The following ROBO1 variants were observed in gnomAD, a reference collection of about 807,000 sequenced individuals.
The protein encoded by ROBO1 is roundabout homolog 1.
A neutral mutation model predicts 195.9 loss-of-function variants in ROBO1; 149 were observed. That is an observed-to-expected ratio of 0.76 (90% CI 0.67 to 0.87). The LOEUF (loss-of-function observed/expected upper bound fraction) is 0.87, where lower values mean the gene tolerates loss of function less well. Ranked by LOEUF, ROBO1 falls within the 40% of genes least tolerant of loss-of-function variation. ROBO1 has a pLI of 0.00. For synonymous variants in ROBO1, 816 were observed against 733.2 expected (o/e 1.11, Z -1.82); for missense variants, 1,933 against 2,068.3 (o/e 0.93, Z 1.27).
intron 3 of ROBO1, among the ~76,000 whole-genome samples, chr3:79,020,964 C>T (rs1263764447): frequency 1.3e-5 from 2 of 151,948 alleles, no homozygotes; most frequent in Admixed American, 1.3e-4. Flanking sequence ...ACATTCATTA[C>T]CTAATGGAAG....
rs117678466 is a variant in ROBO1 at position 78,870,566 on chromosome 3, G to C, written c.499+68035C>G. On this transcript the variant is annotated intron_variant, in intron 4 of 30. Transcript: ENST00000464233. Reference sequence around the variant, plus strand: ...AATGTCCTCAAAAGGACAGAAATTGGTAGGAATAAAAGGCTTTCCCTTGCA... The same window carrying C: ...AATGTCCTCAAAAGGACAGAAATTGCTAGGAATAAAAGGCTTTCCCTTGCA... 1.6e-3 allele frequency among the ~76,000 whole-genome samples: 242 copies of C among 152,250 alleles called. 4 individuals carry two copies. The East Asian group carries it at 0.033, about 21-fold the overall frequency.
intron 1 of ROBO1, among the ~76,000 whole-genome samples, chr3:79,640,532 G>A (rs753192807): frequency 2.0e-5 from 3 of 151,958 alleles, no homozygotes; most frequent in Non-Finnish European, 4.4e-5. Context: ...ACTTATAACC[G>A]ACTTCAGTCC....
At chr3:79,659,348 T>A (rs1036685432) in intron 1 of ROBO1, among the ~76,000 whole-genome samples, 11 of 151,992 alleles carry the variant, frequency 7.2e-5, no homozygotes, top group African/African-American at 2.4e-4. Flanking sequence ...AAAATTTTAA[T>A]AATAAAATGT....
chr3:79,652,769 CA>C (rs1014235779), intron 1 of ROBO1, among the ~76,000 whole-genome samples: 1 of 151,804 alleles, frequency 6.6e-6, no homozygotes, highest in Admixed American at 6.6e-5. Context: ...AAAATAAATA[CA>C]AAAAAATTGT....
intron 5 of ROBO1, among the ~76,000 whole-genome samples, chr3:78,736,190 A>G (rs990540107): frequency 6.6e-6 from 1 of 152,164 alleles, no homozygotes; most frequent in African/African-American, 2.4e-5. Context: ...ACAAAATCAT[A>G]TATATTCAAA....
At chr3:78,873,225 T>G (rs542458187) in intron 4 of ROBO1, among the ~76,000 whole-genome samples, 3 of 152,186 alleles carry the variant, frequency 2.0e-5, no homozygotes, top group Non-Finnish European at 4.4e-5. Flanking sequence ...CCTACTTTTC[T>G]TTCCTCCTTT....
chr3:79,128,191 A>G (rs561178679), intron 2 of ROBO1, among the ~76,000 whole-genome samples: 1 of 152,278 alleles, frequency 6.6e-6, no homozygotes, highest in East Asian at 1.9e-4. Flanking sequence ...TACCATATCT[A>G]AAGGAGGTCC....
chr3:78,673,605 TACAC>T (rs1553699011), intron 10 of ROBO1, among the ~76,000 whole-genome samples: 69 of 53,166 alleles, frequency 1.3e-3, no homozygotes, highest in South Asian at 2.2e-3. Context: ...TATATATATA[TACAC>T]ACATATATTA....
At chr3:79,485,465 G>C (rs1939110241) in intron 2 of ROBO1, among the ~76,000 whole-genome samples, 2 of 152,018 alleles carry the variant, frequency 1.3e-5, no homozygotes, top group Admixed American at 6.6e-5. Context: ...TACACTAAAT[G>C]TTAACAAAGT....
chr3:79,419,876 T>C (rs2038155186), intron 2 of ROBO1, among the ~76,000 whole-genome samples: 1 of 152,106 alleles, frequency 6.6e-6, no homozygotes, highest in African/African-American at 2.4e-5. Context: ...CTTAACATCA[T>C]TTCATAAGGT....
At chr3:79,016,022 T>C (rs2077923639) in intron 3 of ROBO1, among the ~76,000 whole-genome samples, 1 of 152,228 alleles carries the variant, frequency 6.6e-6, no homozygotes, top group South Asian at 2.1e-4. Context: ...ACCACATTTC[T>C]CTTAAATACA....
At chr3:79,613,355 T>C (rs1468373815) in intron 1 of ROBO1, among the ~76,000 whole-genome samples, 2 of 152,040 alleles carry the variant, frequency 1.3e-5, no homozygotes, top group African/African-American at 2.4e-5. Flanking sequence ...AAATTAAAGA[T>C]ATATCTTTTA....
At chr3:79,207,741 TTACATGGAGAGTCATA>T (rs1286971490) in intron 2 of ROBO1, among the ~76,000 whole-genome samples, 2 of 151,822 alleles carry the variant, frequency 1.3e-5, no homozygotes, top group East Asian at 3.9e-4. Flanking sequence ...CTAATTTCTT[TTACATGGAGAGTCATA>T]TAAGATTGAA....
intron 2 of ROBO1, among the ~76,000 whole-genome samples, chr3:79,196,976 C>A (rs1376478609): frequency 6.6e-6 from 1 of 151,594 alleles, no homozygotes; most frequent in East Asian, 1.9e-4. Flanking sequence ...AGTGGTGTGA[C>A]TACCTACATA....
intron 2 of ROBO1, among the ~76,000 whole-genome samples, chr3:79,515,736 T>C (rs1940916371): frequency 6.6e-6 from 1 of 152,184 alleles, no homozygotes; most frequent in African/African-American, 2.4e-5. Flanking sequence ...AACGTGAATA[T>C]AGTCTTTGGG....
intron 1 of ROBO1, among the ~76,000 whole-genome samples, chr3:79,726,893 A>C (rs1413116365): frequency 6.6e-6 from 1 of 152,214 alleles, no homozygotes. Context: ...GGGGCATTTC[A>C]AATGCAAATT....
At chr3:79,068,657 C>T (rs1218738805) in intron 3 of ROBO1, among the ~76,000 whole-genome samples, 1 of 151,820 alleles carries the variant, frequency 6.6e-6, no homozygotes, top group African/African-American at 2.4e-5. Context: ...GCTCTCTTCT[C>T]TGTTTATTTG....
At chr3:79,019,542 G>A (rs925304967) in intron 3 of ROBO1, 6 of 985,876 alleles carry the variant, frequency 6.1e-6, no homozygotes, top group Middle Eastern at 5.2e-4. Flanking sequence ...AAGGGGCCGC[G>A]TGGTCCTTTC....
chr3:79,168,471 A>G (rs2081109884), intron 2 of ROBO1, among the ~76,000 whole-genome samples: 1 of 152,096 alleles, frequency 6.6e-6, no homozygotes, highest in African/African-American at 2.4e-5. Flanking sequence ...TAAAATGCAT[A>G]CCCATTTTAT....
Sources: allele counts gnomAD v4.1 joint callset (sites outside exome capture counted in the v4.1 genomes callset), GRCh38; gene constraint gnomAD v4.1.1; transcripts MANE v1.5; gene names NCBI Gene and HGNC (gene_info 2026-07-23, HGNC 2026-07-21).